The following EFCAB5 variants were observed in gnomAD, a reference collection of about 807,000 sequenced individuals.
The protein encoded by EFCAB5 is EF-hand calcium-binding domain-containing protein 5.
Under a neutral mutation model 167.9 loss-of-function variants are expected in EFCAB5, and 131 were observed. The observed-to-expected ratio is 0.78, with a 90% CI of 0.68 to 0.90. The LOEUF (loss-of-function observed/expected upper bound fraction) is 0.90, where lower values mean the gene tolerates loss of function less well. EFCAB5 is among the 40% of genes least tolerant of loss of function. EFCAB5 has a pLI of 0.00. For synonymous variants in EFCAB5, 574 were observed against 602.8 expected, an observed-to-expected ratio of 0.95 and a Z score of 0.70; for missense variants, 1,663 against 1,745.2, an observed-to-expected ratio of 0.95 and a Z score of 0.84.
intron 7 of EFCAB5, among the ~76,000 whole-genome samples, chr17:30,006,207 T>A (rs1160189381): frequency 6.6e-6 from 1 of 152,208 alleles, no homozygotes; most frequent in Non-Finnish European, 1.5e-5. Flanking sequence ...CTTTAAAATA[T>A]TTTATAGCGT....
chr17:29,946,290 T>TA (rs1185105930), intron 3 of EFCAB5, among the ~76,000 whole-genome samples: 3 of 152,100 alleles, frequency 2.0e-5, no homozygotes, highest in African/African-American at 7.2e-5. Flanking sequence ...AATACTACCT[T>TA]ACTCCTGCAA....
chr17:30,074,957 A>G (rs1567760823), intron 14 of EFCAB5, among the ~76,000 whole-genome samples: 1 of 152,052 alleles, frequency 6.6e-6, no homozygotes, highest in Non-Finnish European at 1.5e-5. Flanking sequence ...GTGTGCGTGC[A>G]TGCCTGTGTA....
chr17:30,080,068 G>A lies in EFCAB5; in HGVS notation c.3028-4G>A. ...AACACATGGTCGGAAACGTTTTGCT[G>A]TAGGATGCTGAAGCCCATGGAAATA... On this transcript the variant is annotated splice_polypyrimidine_tract_variant and splice_region_variant and intron_variant, in intron 15 of 22. Transcript: ENST00000394835. 1.2e-6 allele frequency: 2 copies of A among 1,602,822 alleles called. No individual in the cohort carries two copies. Among genetic ancestry groups the A allele is most frequent in the Non-Finnish European group, 1.7e-6 (2 of 1,175,306 alleles).
intron 1 of EFCAB5, 94 bp downstream of exon 1, chr17:29,941,932 T>C (rs1316508849): frequency 7.9e-7 from 1 of 1,258,590 alleles, no homozygotes; most frequent in East Asian, 2.5e-5. Flanking sequence ...GTCTATCATT[T>C]AATTATTTCT....
intron 3 of EFCAB5, among the ~76,000 whole-genome samples, chr17:29,964,299 G>A (rs749125249): frequency 3.9e-5 from 6 of 151,926 alleles, no homozygotes; most frequent in South Asian, 2.1e-4. Context: ...TCTTATAATC[G>A]TTTTTGTTTT....
rs756549142 is a variant in EFCAB5, at chr17:30,053,954, T to C, written c.2000T>C (p.Ile667Thr). The change falls in exon 10 of 23, where the codon ATA (isoleucine) becomes ACA (threonine). Residue 667 changes from isoleucine (I) to threonine (T), a missense_variant. Coordinates refer to ENST00000394835, the MANE Select transcript of EFCAB5 (RefSeq NM_198529.4). ...GEIISEEQED[I>T]GSTSQSRKDS... ...ATAATTTCAGAAGAGCAAGAAGACA[T>C]AGGCTCAACTTCACAATCAAGAAAA... 6.8e-6 allele frequency: 11 copies of C among 1,613,758 alleles called. No homozygotes were observed. In the South Asian group the frequency reaches 9.9e-5, roughly 14 times the overall value.
intron 14 of EFCAB5, chr17:30,069,176 C>T (rs1427477679): frequency 1.3e-6 from 2 of 1,547,922 alleles, no homozygotes; most frequent in African/African-American, 2.7e-5. Context: ...TCCACATCTT[C>T]TGAGAAAGTT....
intron 19 of EFCAB5, among the ~76,000 whole-genome samples, chr17:30,089,097 C>A (rs2071145162): frequency 6.6e-6 from 1 of 152,084 alleles, no homozygotes; most frequent in Non-Finnish European, 1.5e-5. Flanking sequence ...CCCTTCCCTC[C>A]ACCCCACGAC....
chr17:29,950,891 A>G (rs1226349560), intron 3 of EFCAB5, among the ~76,000 whole-genome samples: 2 of 152,208 alleles, frequency 1.3e-5, no homozygotes, highest in Non-Finnish European at 2.9e-5. Context: ...TCTAACTCCT[A>G]CATTGTTCAA....
rs1365778197 is a variant in EFCAB5, at chr17:30,083,056, C to T, written c.3579+13C>T. The T allele has an allele frequency of 1.2e-6, 2 of 1,612,562 alleles. No individual in the cohort carries two copies. Among genetic ancestry groups the T allele is most frequent in the East Asian group, 4.5e-5 (2 of 44,862 alleles). Reference sequence around the variant, plus strand: ...TAGCCCAGCCCAGGTAGGCAAGGCTCAGTAGTGGTAGATCTCTCCAAGGTA... The same window carrying T: ...TAGCCCAGCCCAGGTAGGCAAGGCTTAGTAGTGGTAGATCTCTCCAAGGTA... On this transcript the variant is annotated intron_variant, in intron 18 of 22. Transcript: ENST00000394835.
chr17:30,079,726 A>T (rs1325166690), intron 15 of EFCAB5, among the ~76,000 whole-genome samples: 1 of 152,178 alleles, frequency 6.6e-6, no homozygotes, highest in Non-Finnish European at 1.5e-5. Flanking sequence ...CTCTCAAATC[A>T]ACACTTTCAA....
rs143636852 is a variant in EFCAB5, at chr17:30,038,118, C to T, written c.1200+3733C>T. On this transcript the variant is annotated intron_variant, in intron 8 of 22. Coordinates refer to ENST00000394835, the MANE Select transcript of EFCAB5 (RefSeq NM_198529.4). ...AAAAGTTCTTGAAGGAAATTAAGAG[C>T]ACTACTCCCACAAAGACACAAGTCA... is the stretch of plus-strand genomic sequence containing the variant. 8.2e-3 allele frequency among the ~76,000 whole-genome samples: 1,253 copies of T among 152,252 alleles called. 11 individuals are homozygous for T. Among genetic ancestry groups the T allele is most frequent in the African/African-American group, 0.025 (1,047 of 41,550 alleles).
At chr17:30,037,750 T>C (rs4547389) in intron 8 of EFCAB5, among the ~76,000 whole-genome samples, 77,911 of 151,900 alleles carry the variant, frequency 0.51, 20,371 homozygotes, top group African/African-American at 0.57. Flanking sequence ...TTTTATTCCA[T>C]AGAAATAAAA....
At chr17:30,087,583 C>T (rs1457302172) in intron 19 of EFCAB5, among the ~76,000 whole-genome samples, 4 of 152,112 alleles carry the variant, frequency 2.6e-5, no homozygotes, top group Admixed American at 1.3e-4. Context: ...AAGATAATGA[C>T]TTCCGGTTCC....
chr17:29,987,768 A>G (rs1220088082), intron 4 of EFCAB5, among the ~76,000 whole-genome samples: 1 of 152,202 alleles, frequency 6.6e-6, no homozygotes, highest in Non-Finnish European at 1.5e-5. Flanking sequence ...TGTCTAGTAT[A>G]TACTGGGGCA....
chr17:30,074,232 A>G (rs902633853), intron 14 of EFCAB5: 4 of 152,158 alleles, frequency 2.6e-5, no homozygotes, highest in African/African-American at 9.7e-5. Flanking sequence ...TCTTGGGCTC[A>G]AGCAATCCTC....
At chr17:30,003,538 G>GT (rs974914337) in intron 7 of EFCAB5, among the ~76,000 whole-genome samples, 7 of 142,368 alleles carry the variant, frequency 4.9e-5, no homozygotes, top group African/African-American at 1.0e-4. Context: ...CAGCCTTGTT[G>GT]TTTTTTTAAG....
At chr17:29,982,140 A>G (rs1304916553) in intron 4 of EFCAB5, among the ~76,000 whole-genome samples, 1 of 152,226 alleles carries the variant, frequency 6.6e-6, no homozygotes, top group Non-Finnish European at 1.5e-5. Context: ...ATGGCAAGAA[A>G]TTCAGTTTAG....
At chr17:30,017,568 G>A (rs1343909248) in intron 7 of EFCAB5, among the ~76,000 whole-genome samples, 1 of 151,880 alleles carries the variant, frequency 6.6e-6, no homozygotes, top group Non-Finnish European at 1.5e-5. Context: ...TGAAAATAAG[G>A]GAATTACCGA....
Sources: allele counts gnomAD v4.1 joint callset (sites outside exome capture counted in the v4.1 genomes callset), GRCh38; gene constraint gnomAD v4.1.1; transcripts MANE v1.5; gene names NCBI Gene and HGNC (gene_info 2026-07-23, HGNC 2026-07-21).